The following WDR72 variants were observed in gnomAD, a reference collection of about 807,000 sequenced individuals.
The protein encoded by WDR72 is WD repeat-containing protein 72.
In WDR72, 120 loss-of-function variants were observed where a neutral mutation model predicts 124.2. The ratio of observed to expected loss-of-function variants is 0.97; its 90% CI spans 0.83 to 1.12. The LOEUF is 1.12. WDR72 is among the 50% of genes most tolerant of loss of function. The pLI is 0.00. For missense variants in WDR72, 1,387 were observed against 1,278.8 expected (o/e 1.08, Z -1.29); for synonymous variants, 452 against 441.7 (o/e 1.02, Z -0.29).
At chr15:53,757,987 CT>C (rs1376541256) in intron 1 of WDR72, among the ~76,000 whole-genome samples, 2 of 149,934 alleles carry the variant, frequency 1.3e-5, no homozygotes, top group Non-Finnish European at 3.0e-5. Flanking sequence ...TTCTCTCTCT[CT>C]CTCTCTCTCT....
chr15:53,567,241 T>C (rs1360445597), intron 18 of WDR72, among the ~76,000 whole-genome samples: 2 of 152,022 alleles, frequency 1.3e-5, no homozygotes, highest in African/African-American at 4.8e-5. Flanking sequence ...CCTCTAGGTT[T>C]AAGGAGGACC....
chr15:53,733,146 T>A lies in WDR72; in HGVS notation c.4A>T (p.Arg2Trp), dbSNP rs1595880774. Residue 2 changes from arginine (R) to tryptophan (W), a missense_variant, in exon 2 of 20, where the codon AGG becomes TGG. Arg to Trp is a moderately radical substitution (Grantham distance 101). Transcript: ENST00000360509. The part of the protein sequence containing the change: M[R>W]TSLQAVALWG... ...AGTGCCACTGCCTGCAGGGAAGTCC[T>A]CATTTTGGGCGAATCCTGACATACA... 2 of 1,613,946 alleles carry A rather than the reference T, an allele frequency of 1.2e-6. No homozygotes were observed. The highest frequency in any genetic ancestry group is 1.7e-6 in the Non-Finnish European group (2 of 1,179,922).
At chr15:53,539,162 G>C (rs1022551352) in intron 18 of WDR72, among the ~76,000 whole-genome samples, 1 of 152,078 alleles carries the variant, frequency 6.6e-6, no homozygotes, top group Non-Finnish European at 1.5e-5. Context: ...CTTTTAACTA[G>C]AAAGGCTGCA....
chr15:53,609,312 C>G (rs192533336), intron 17 of WDR72, among the ~76,000 whole-genome samples: 1 of 152,218 alleles, frequency 6.6e-6, no homozygotes, highest in East Asian at 1.9e-4. Context: ...TCCCTCAGCC[C>G]CGGGCATTCA....
intron 18 of WDR72, among the ~76,000 whole-genome samples, chr15:53,528,851 AT>A (rs1212933161): frequency 6.6e-6 from 1 of 151,890 alleles, no homozygotes; most frequent in Non-Finnish European, 1.5e-5. Flanking sequence ...TTCCTCTCAA[AT>A]TGTTCTGTTA....
chr15:53,550,512 C>T (rs998931917), intron 18 of WDR72, among the ~76,000 whole-genome samples: 5 of 152,172 alleles, frequency 3.3e-5, no homozygotes, highest in South Asian at 2.1e-4. Flanking sequence ...AAGATTATAA[C>T]ATAAACATCT....
chr15:53,659,893 G>C (rs1185879036), intron 14 of WDR72, among the ~76,000 whole-genome samples: 1 of 151,816 alleles, frequency 6.6e-6, no homozygotes, highest in Non-Finnish European at 1.5e-5. Flanking sequence ...TCCTAGGCTG[G>C]GTATTATCAT....
intron 18 of WDR72, among the ~76,000 whole-genome samples, chr15:53,549,889 C>T (rs756819864): frequency 1.2e-4 from 19 of 152,174 alleles, no homozygotes; most frequent in Admixed American, 7.9e-4. Flanking sequence ...CCGAAGGCCC[C>T]AGATCTAGGT....
At chr15:53,539,022 C>A (rs1892921873) in intron 18 of WDR72, among the ~76,000 whole-genome samples, 1 of 151,874 alleles carries the variant, frequency 6.6e-6, no homozygotes, top group Non-Finnish European at 1.5e-5. Flanking sequence ...TCAAGTTACT[C>A]ATAAGGGAAA....
intron 18 of WDR72, among the ~76,000 whole-genome samples, chr15:53,523,966 A>G (rs977944463): frequency 6.6e-6 from 1 of 152,112 alleles, no homozygotes; most frequent in Non-Finnish European, 1.5e-5. Flanking sequence ...AAACTAGTAC[A>G]GAAGTCCAAA....
In WDR72 at chr15:53,516,843, A is replaced by G. The variant is rs970757784; in HGVS notation, c.*856T>C. ...AGATCACCAAAGGCTTTAATAGAAGAGCACTTTATGTCTATTCCTATTTAT... is the reference window on the plus strand; with the variant it reads ...AGATCACCAAAGGCTTTAATAGAAGGGCACTTTATGTCTATTCCTATTTAT... On this transcript the variant is annotated 3_prime_UTR_variant, in exon 20 of 20. Transcript: ENST00000360509. 1 of 152,100 alleles carries G rather than the reference A, an allele frequency of 6.6e-6. No individual in the cohort carries two copies. The highest frequency in any genetic ancestry group is 2.4e-5 in the African/African-American group (1 of 41,452). The allele number at this position is 152,100 out of a possible 1,614,324, so 9.4% of individuals were successfully genotyped here. A position where few individuals can be genotyped will look rare whatever the true frequency, so the allele number is the denominator to read the frequency against.
chr15:53,655,230 C>CAAAAAAA (rs531072099), intron 14 of WDR72, among the ~76,000 whole-genome samples: 8 of 54,614 alleles, frequency 1.5e-4, no homozygotes, highest in African/African-American at 2.0e-4. Flanking sequence ...GATGCCATCT[C>CAAAAAAA]AAAAAAAAAA....
intron 13 of WDR72, among the ~76,000 whole-genome samples, chr15:53,697,036 G>T (rs549986010): frequency 6.6e-6 from 1 of 152,266 alleles, no homozygotes; most frequent in South Asian, 2.1e-4. Context: ...AAGATGAGTT[G>T]AGATTGTTTT....
At position 53,705,110 on chromosome 15, in the gene WDR72, G is replaced by C; in HGVS notation, c.1226C>G (p.Ser409Ter). 1 of 1,614,124 alleles carries C rather than the reference G, an allele frequency of 6.2e-7. No individual in the cohort carries two copies. The highest frequency in any genetic ancestry group is 8.5e-7 in the Non-Finnish European group (1 of 1,180,024). ...ATCAAGACTTGGAATATACTCTGAT[G>C]AAGTGACTACAGCAGTTCCTGCCCC... is the stretch of plus-strand genomic sequence containing the variant. ...KDGAGTAVVT[S>*]SEYIPSLDKL... The change falls in exon 11 of 20, where the codon TCA becomes TGA. Residue 409 changes from serine to a stop codon, truncating the protein, a stop_gained. Transcript: ENST00000360509. LOFTEE classifies it high-confidence loss of function.
chr15:53,617,062 T>C (rs2013796530), intron 14 of WDR72, among the ~76,000 whole-genome samples: 1 of 151,952 alleles, frequency 6.6e-6, no homozygotes, highest in Non-Finnish European at 1.5e-5. Context: ...CAATTAATGT[T>C]TGTTGAATTA....
chr15:53,747,949 T>C (rs768205970), intron 1 of WDR72, among the ~76,000 whole-genome samples: 2 of 151,620 alleles, frequency 1.3e-5, no homozygotes, highest in South Asian at 2.1e-4. Flanking sequence ...ATTTAGCTTA[T>C]ACCACATTTA....
Position 53,699,866 on chromosome 15 carries a change from A to C in WDR72, c.1649T>G (p.Leu550Arg), listed in dbSNP as rs140365591. The stretch of plus-strand genomic sequence containing the variant: ...AAAAAGGTGCTTCCGGGCATGCAGG[A>C]GGCAACTCTTTCCCTCAAGGTGAAG... Reference protein sequence around the residue: ...ALLHLEGKSCLLHARKHLFPV... With the variant: ...ALLHLEGKSCRLHARKHLFPV... The change falls in exon 13 of 20, where the codon CTC becomes CGC. Residue 550 changes from leucine (L) to arginine (R), a missense_variant. Leu to Arg is a moderately radical substitution (Grantham distance 102, BLOSUM62 -2). Transcript: ENST00000360509. 36 of 1,614,038 alleles carry C rather than the reference A, an allele frequency of 2.2e-5. No homozygotes were observed. Among genetic ancestry groups the C allele is most frequent in the Non-Finnish European group, 2.7e-5 (32 of 1,180,036 alleles).
At chr15:53,595,837 T>TA (rs2140337688) in intron 18 of WDR72, among the ~76,000 whole-genome samples, 1 of 152,328 alleles carries the variant, frequency 6.6e-6, no homozygotes, top group East Asian at 1.9e-4. Flanking sequence ...TACCAGATCA[T>TA]TAAAGCTAAT....
chr15:53,612,162 C>T (rs865855723), intron 16 of WDR72, among the ~76,000 whole-genome samples: 1 of 152,238 alleles, frequency 6.6e-6, no homozygotes, highest in African/African-American at 2.4e-5. Context: ...ATTATTTATC[C>T]TTTAATTTCA....
Sources: allele counts gnomAD v4.1 joint callset (sites outside exome capture counted in the v4.1 genomes callset), GRCh38; gene constraint gnomAD v4.1.1; transcripts MANE v1.5; gene names NCBI Gene and HGNC (gene_info 2026-07-23, HGNC 2026-07-21).